The following TRDN variants were observed in gnomAD, a reference collection of about 807,000 sequenced individuals.
TRDN encodes the protein triadin in skeletal muscle.
In TRDN, 161 loss-of-function variants were observed where a neutral mutation model predicts 149.7. That is an observed-to-expected ratio of 1.08 (90% CI 0.95 to 1.23). The LOEUF is 1.23. Among genes scored for constraint, TRDN ranks in the 50% most tolerant of loss-of-function variants. The pLI is 0.00. For missense variants in TRDN, 896 were observed against 823.5 expected, an observed-to-expected ratio of 1.09 and a Z score of -1.08; for synonymous variants, 294 against 250.5, an observed-to-expected ratio of 1.17 and a Z score of -1.64.
intron 1 of TRDN, among the ~76,000 whole-genome samples, chr6:123,620,523 C>A (rs1377963065): frequency 6.6e-6 from 1 of 151,932 alleles, no homozygotes; most frequent in African/African-American, 2.4e-5. Flanking sequence ...CCATGCTCTT[C>A]ACAGAGTTTT....
intron 21 of TRDN, among the ~76,000 whole-genome samples, chr6:123,341,382 T>C (rs1780057974): frequency 6.6e-6 from 1 of 151,906 alleles, no homozygotes. Context: ...TTTTTTAACA[T>C]TTTACATTTT....
Position 123,576,229 on chromosome 6 carries a change from A to T in TRDN, c.23-5097T>A, listed in dbSNP as rs78741824. ...ACTTCATAGAAATTCAAGTGGAAAGACATTTGGGCAGATAAAGCTCAAACA... is the reference window on the plus strand; with the variant it reads ...ACTTCATAGAAATTCAAGTGGAAAGTCATTTGGGCAGATAAAGCTCAAACA... On this transcript the variant is annotated intron_variant, in intron 1 of 40. Coordinates refer to ENST00000334268, the MANE Select transcript of TRDN (RefSeq NM_006073.4). Among the ~76,000 whole-genome samples, 161 of 152,268 alleles carry T rather than the reference A, an allele frequency of 1.1e-3. 2 individuals carry two copies. The highest frequency in any genetic ancestry group is 3.6e-3 in the African/African-American group (150 of 41,570).
At chr6:123,459,476 C>T (rs1174899472) in intron 10 of TRDN, among the ~76,000 whole-genome samples, 2 of 152,196 alleles carry the variant, frequency 1.3e-5, no homozygotes, top group Non-Finnish European at 2.9e-5. Flanking sequence ...TTGGACATCT[C>T]TTCCCTAAAG....
At chr6:123,376,788 G>T (rs1269479631) in intron 18 of TRDN, among the ~76,000 whole-genome samples, 3 of 151,950 alleles carry the variant, frequency 2.0e-5, no homozygotes, top group African/African-American at 7.3e-5. Flanking sequence ...CCTTTGCGTG[G>T]TTTTTTAAAT....
intron 2 of TRDN, among the ~76,000 whole-genome samples, chr6:123,567,339 A>C (rs1379259738): frequency 6.6e-6 from 1 of 152,180 alleles, no homozygotes; most frequent in Non-Finnish European, 1.5e-5. Flanking sequence ...GTTAGATGAG[A>C]ATCTAACTCA....
At chr6:123,604,328 T>C (rs1415802659) in intron 1 of TRDN, among the ~76,000 whole-genome samples, 2 of 152,212 alleles carry the variant, frequency 1.3e-5, no homozygotes, top group Non-Finnish European at 2.9e-5. Flanking sequence ...AAGCCTACAT[T>C]CATGACATTG....
At chr6:123,506,874 T>A (rs1365276073) in intron 7 of TRDN, among the ~76,000 whole-genome samples, 5 of 152,180 alleles carry the variant, frequency 3.3e-5, no homozygotes, top group Non-Finnish European at 7.3e-5. Context: ...ATACATTTTA[T>A]TCTTTATTAT....
intron 9 of TRDN, among the ~76,000 whole-genome samples, chr6:123,483,282 T>G (rs1777843415): frequency 1.3e-5 from 2 of 151,600 alleles, no homozygotes; most frequent in Admixed American, 6.6e-5. Flanking sequence ...TTTTGTATTT[T>G]TAGTAGAGAC....
At chr6:123,585,963 A>T (rs1783457970) in intron 1 of TRDN, among the ~76,000 whole-genome samples, 2 of 152,156 alleles carry the variant, frequency 1.3e-5, no homozygotes, top group African/African-American at 4.8e-5. Context: ...TTGGAGTTTT[A>T]TTTAATGTCG....
At chr6:123,429,595 C>T (rs959454741) in intron 12 of TRDN, among the ~76,000 whole-genome samples, 1 of 152,150 alleles carries the variant, frequency 6.6e-6, no homozygotes, top group African/African-American at 2.4e-5. Flanking sequence ...ACTCAGGCCA[C>T]ACTGTCACAT....
chr6:123,415,726 G>A (rs1773621502), intron 12 of TRDN, among the ~76,000 whole-genome samples: 1 of 152,144 alleles, frequency 6.6e-6, no homozygotes, highest in Admixed American at 6.5e-5. Context: ...AAGGTCAATG[G>A]TACCTCAGTG....
At chr6:123,548,662 A>G in intron 2 of TRDN, 50 bp from the exon 3 acceptor site, 1 of 1,293,348 alleles carries the variant, frequency 7.7e-7, no homozygotes, top group Non-Finnish European at 9.9e-7. Context: ...GATCATTTCC[A>G]AATAACTTAA....
intron 12 of TRDN, 93 bp downstream of exon 12, chr6:123,437,970 C>T: frequency 6.4e-6 from 7 of 1,098,824 alleles, no homozygotes; most frequent in Non-Finnish European, 9.4e-6. Flanking sequence ...ATATAAGTAA[C>T]TGTGTGCAAT....
chr6:123,312,511 T>C lies in TRDN; in HGVS notation c.1510+3946A>G, dbSNP rs189123748. On this transcript the variant is annotated intron_variant, in intron 24 of 40. Coordinates refer to ENST00000334268, the MANE Select transcript of TRDN (RefSeq NM_006073.4). ...AATACAGCATATAATACATATAACATACCAAATAGTTGTGCATCCAGTTTA... is the reference window on the plus strand; with the variant it reads ...AATACAGCATATAATACATATAACACACCAAATAGTTGTGCATCCAGTTTA... Among the ~76,000 whole-genome samples the C allele has an allele frequency of 2.7e-4, 41 of 152,092 alleles. No homozygotes were observed. The East Asian group carries it at 3.9e-3, about 14-fold the overall frequency.
chr6:123,255,081 C>G lies in TRDN; in HGVS notation c.1951G>C (p.Ala651Pro), dbSNP rs1396002420. 7.3e-7 allele frequency: 1 copy of G among 1,377,240 alleles called. No individual in the cohort carries two copies. The highest frequency in any genetic ancestry group is 2.6e-5 in the East Asian group (1 of 39,194). 85.3% of individuals were successfully genotyped at this position (1,377,240 alleles called of 1,614,324 possible). A position where few individuals can be genotyped will look rare whatever the true frequency, so the allele number is the denominator to read the frequency against. Residue 651 changes from alanine (A) to proline (P), a missense_variant and splice_region_variant, in exon 37 of 41, where the codon GCA (alanine) becomes CCA (proline). Transcript: ENST00000334268. ...TAGTAGTTACGTAATTCAAGATTAC[C>G]TTTTGTCACATTGTGTAATTGAAGA... ...ESLQLHNVTK[A>P]EKPARVSKDV... is the part of the protein sequence containing the mutation.
At chr6:123,339,524 A>C (rs998260781) in intron 21 of TRDN, among the ~76,000 whole-genome samples, 2 of 152,172 alleles carry the variant, frequency 1.3e-5, no homozygotes, top group Admixed American at 1.3e-4. Context: ...AGTTGGAAAA[A>C]ACAGGTGAAG....
At chr6:123,477,636 A>G (rs1174858527) in intron 9 of TRDN, among the ~76,000 whole-genome samples, 2 of 151,952 alleles carry the variant, frequency 1.3e-5, no homozygotes, top group Admixed American at 6.6e-5. Flanking sequence ...CATTATTCAC[A>G]GTAGCAAAGA....
At chr6:123,325,138 T>C (rs1389941559) in intron 23 of TRDN, among the ~76,000 whole-genome samples, 1 of 152,130 alleles carries the variant, frequency 6.6e-6, no homozygotes, top group East Asian at 1.9e-4. Flanking sequence ...TTTGCTAATA[T>C]ATTCCAATAT....
At chr6:123,287,616 C>T (rs1309120157) in intron 24 of TRDN, among the ~76,000 whole-genome samples, 1 of 152,096 alleles carries the variant, frequency 6.6e-6, no homozygotes, top group Non-Finnish European at 1.5e-5. Context: ...AGAAAGTTTT[C>T]AGTCTACTGA....
Sources: gnomAD v4.1 joint callset for allele counts (sites outside exome capture counted in the v4.1 genomes callset) on GRCh38, gnomAD v4.1.1 for gene constraint, MANE v1.5 for transcripts, NCBI Gene and HGNC (gene_info 2026-07-23, HGNC 2026-07-21) for gene names.